CDK19: variants seen among roughly 807,000 people sequenced by gnomAD.
The protein encoded by CDK19 is cyclin-dependent kinase 19.
In CDK19, 20 loss-of-function variants were observed where a neutral mutation model predicts 68.3. The ratio of observed to expected loss-of-function variants is 0.29; its 90% CI spans 0.21 to 0.43. The LOEUF (loss-of-function observed/expected upper bound fraction) is 0.43, where lower values mean the gene tolerates loss of function less well. Among genes scored for constraint, CDK19 ranks in the 20% least tolerant of loss-of-function variants. The pLI, the probability that CDK19 is intolerant of heterozygous loss-of-function variation, is 1.00. For missense variants in CDK19, 339 were observed against 623.5 expected (o/e 0.54, Z 4.86); for synonymous variants, 221 against 222.8 (o/e 0.99, Z 0.07).
chr6:110,666,456 T>C (rs892292606), intron 4 of CDK19, among the ~76,000 whole-genome samples: 8 of 132,132 alleles, frequency 6.1e-5, no homozygotes, highest in South Asian at 2.5e-4. Flanking sequence ...AAAAAAAAAT[T>C]ATAAGGAGAA....
At chr6:110,641,160 G>GA (rs141917023) in intron 4 of CDK19, among the ~76,000 whole-genome samples, 2,353 of 147,564 alleles carry the variant, frequency 0.016, 66 homozygotes, top group African/African-American at 0.055. Context: ...CACCATACTA[G>GA]AAAAAAAAAA....
intron 1 of CDK19, among the ~76,000 whole-genome samples, chr6:110,814,328 G>C (rs1185946983): frequency 6.6e-6 from 1 of 152,246 alleles, no homozygotes; most frequent in Non-Finnish European, 1.5e-5. Flanking sequence ...GCGAAACGCA[G>C]CTAGCCCATC....
chr6:110,656,397 T>G (rs1268448115), intron 4 of CDK19, among the ~76,000 whole-genome samples: 3 of 152,240 alleles, frequency 2.0e-5, no homozygotes, highest in Admixed American at 6.5e-5. Context: ...ATAATTACAT[T>G]AGTGTCATAA....
intron 2 of CDK19, among the ~76,000 whole-genome samples, chr6:110,716,516 T>C (rs1435915545): frequency 2.6e-5 from 4 of 152,170 alleles, no homozygotes; most frequent in African/African-American, 9.7e-5. Context: ...AACCACACTT[T>C]GAAAACCACT....
chr6:110,704,188 G>A (rs557020904), intron 2 of CDK19, among the ~76,000 whole-genome samples: 7 of 152,288 alleles, frequency 4.6e-5, no homozygotes, highest in South Asian at 2.1e-4. Context: ...TGACTAGCCA[G>A]GATTGGGAAC....
intron 2 of CDK19, among the ~76,000 whole-genome samples, chr6:110,685,673 T>C (rs982133988): frequency 6.6e-6 from 1 of 152,238 alleles, no homozygotes; most frequent in African/African-American, 2.4e-5. Context: ...GTCTGATAAA[T>C]TGTTAACTCT....
rs557143585 is a variant in CDK19, at chr6:110,738,875, G to A, written c.204+7251C>T. On this transcript the variant is annotated intron_variant, in intron 2 of 12. Coordinates refer to ENST00000368911, the MANE Select transcript of CDK19 (RefSeq NM_015076.5). Reference sequence around the variant, plus strand: ...CAAGAGAGGAAAAGAAAGAAAGAAGGAAAAGTGCTGCTCCACTCCACCCTG... The same window carrying A: ...CAAGAGAGGAAAAGAAAGAAAGAAGAAAAAGTGCTGCTCCACTCCACCCTG... Among the ~76,000 whole-genome samples the A allele has an allele frequency of 3.6e-4, 55 of 152,186 alleles. 1 individual carries two copies. The Middle Eastern group carries it at 0.01, about 28-fold the overall frequency.
At position 110,614,559 on chromosome 6, in the gene CDK19, T is replaced by C. The variant is rs1391800727; in HGVS notation, c.1485A>G (p.Pro495=). 3 of 1,613,870 alleles carry C rather than the reference T, an allele frequency of 1.9e-6. No individual in the cohort carries two copies. The highest frequency in any genetic ancestry group is 2.5e-6 in the Non-Finnish European group (3 of 1,179,840). Residue 495 remains proline, a synonymous_variant, in exon 13 of 13, where the codon CCA becomes CCG. Coordinates refer to ENST00000368911, the MANE Select transcript of CDK19 (RefSeq NM_015076.5). ...GTCAGTACCGGTGGGCCTGGTGAGA[T>C]GGGTGGTACTGTGAGCTCTGCTGAG... ...SSSQQSSQYH[P]SHQAHRY
chr6:110,671,262 G>A (rs547477430), intron 2 of CDK19, among the ~76,000 whole-genome samples: 6 of 152,096 alleles, frequency 3.9e-5, no homozygotes, highest in Non-Finnish European at 8.8e-5. Flanking sequence ...AGCACTTTGC[G>A]CATAACAGAC....
chr6:110,667,312 C>T, intron 4 of CDK19, 122 bp downstream of exon 4: 1 of 601,780 alleles, frequency 1.7e-6, no homozygotes, highest in Non-Finnish European at 2.7e-6. Flanking sequence ...TTCTTTTTTG[C>T]TTATGTATAT....
intron 10 of CDK19, 105 bp from the exon 11 acceptor site, chr6:110,622,271 T>C: frequency 2.6e-6 from 2 of 773,184 alleles, no homozygotes; most frequent in Non-Finnish European, 4.3e-6. Flanking sequence ...TATTTCCTAC[T>C]CTTCATCTGT....
intron 1 of CDK19, among the ~76,000 whole-genome samples, chr6:110,802,566 C>T (rs1782416776): frequency 6.6e-6 from 1 of 152,200 alleles, no homozygotes; most frequent in African/African-American, 2.4e-5. Context: ...AAGCTGCCTA[C>T]TGGGTACTAT....
intron 2 of CDK19, among the ~76,000 whole-genome samples, chr6:110,717,929 G>A (rs549366925): frequency 3.9e-4 from 60 of 152,230 alleles, no homozygotes; most frequent in African/African-American, 1.4e-3. Context: ...TCAAACTCCC[G>A]ACCACAGGTG....
At chr6:110,677,002 T>C (rs900031234) in intron 2 of CDK19, among the ~76,000 whole-genome samples, 3 of 152,200 alleles carry the variant, frequency 2.0e-5, no homozygotes, top group African/African-American at 7.2e-5. Context: ...GCACTTTCTA[T>C]TTCTGTGTAC....
chr6:110,804,617 A>G (rs1782551038), intron 1 of CDK19, among the ~76,000 whole-genome samples: 3 of 146,016 alleles, frequency 2.1e-5, no homozygotes, highest in Admixed American at 2.0e-4. Flanking sequence ...AAGTGCTGGG[A>G]TAACAGGCGT....
chr6:110,744,496 C>T (rs1777932570), intron 2 of CDK19, among the ~76,000 whole-genome samples: 2 of 152,054 alleles, frequency 1.3e-5, no homozygotes, highest in African/African-American at 4.8e-5. Flanking sequence ...TAAGCCACTG[C>T]ACTCCAGCCT....
chr6:110,814,475 G>T, intron 1 of CDK19: 1 of 383,226 alleles, frequency 2.6e-6, no homozygotes, highest in Admixed American at 3.3e-5. Flanking sequence ...GGAGATCGCT[G>T]CTGGGGGCGG....
At chr6:110,662,722 A>G (rs577770736) in intron 4 of CDK19, among the ~76,000 whole-genome samples, 27 of 152,308 alleles carry the variant, frequency 1.8e-4, no homozygotes, top group Middle Eastern at 3.4e-3. Context: ...GAGTCATCCT[A>G]TATTTCATTT....
intron 1 of CDK19, among the ~76,000 whole-genome samples, chr6:110,808,908 T>C (rs79213963): frequency 0.013 from 2,043 of 152,150 alleles, 48 homozygotes; most frequent in African/African-American, 0.047. Flanking sequence ...ATATCTAATA[T>C]CTGTTCAAAG....
Sources: allele counts gnomAD v4.1 joint callset (sites outside exome capture counted in the v4.1 genomes callset), GRCh38; gene constraint gnomAD v4.1.1; transcripts MANE v1.5; gene names NCBI Gene and HGNC (gene_info 2026-07-23, HGNC 2026-07-21).